JAM2: variants seen among roughly 807,000 people sequenced by gnomAD.
The protein encoded by JAM2 is junctional adhesion molecule B.
In JAM2, 17 loss-of-function variants were observed where a neutral mutation model predicts 42.0. The ratio of observed to expected loss-of-function variants is 0.40; its 90% CI spans 0.28 to 0.61. The LOEUF (loss-of-function observed/expected upper bound fraction) is 0.61. Ranked by LOEUF, JAM2 falls within the 20% of genes least tolerant of loss-of-function variation. The pLI is 0.37. For missense variants in JAM2, 319 were observed against 358.3 expected (o/e 0.89, Z 0.89); for synonymous variants, 118 against 128.6 (o/e 0.92, Z 0.56).
intron 2 of JAM2, among the ~76,000 whole-genome samples, chr21:25,685,524 C>CAA (rs776114627): frequency 0.076 from 3,786 of 49,622 alleles, 242 homozygotes; most frequent in African/African-American, 0.17. Flanking sequence ...GAGAATGTCT[C>CAA]AAAAAAAAAA....
chr21:25,702,244 G>A lies in JAM2; in HGVS notation c.672G>A (p.Arg224=). The A allele has an allele frequency of 6.3e-7, 1 of 1,597,054 alleles. No individual in the cohort carries two copies. Among genetic ancestry groups the A allele is most frequent in the Non-Finnish European group, 8.6e-7 (1 of 1,167,034 alleles). ...CEARNSVGYR[R]CPGKRMQVDD... ...CCCGCAATTCTGTTGGATATCGCAGGTGTCCTGGGAAACGAATGCAAGTAG... is the reference window on the plus strand; with the variant it reads ...CCCGCAATTCTGTTGGATATCGCAGATGTCCTGGGAAACGAATGCAAGTAG... Residue 224 remains arginine (R), a synonymous_variant, in exon 6 of 10, where the codon AGG becomes AGA. Coordinates refer to ENST00000480456, the MANE Select transcript of JAM2 (RefSeq NM_021219.4).
At position 25,714,881 on chromosome 21, in the gene JAM2, G is replaced by A. The variant is rs2034451531; in HGVS notation, c.*209G>A. 2.3e-6 allele frequency: 1 copy of A among 429,962 alleles called. No homozygotes were observed. The highest frequency in any genetic ancestry group is 4.4e-5 in the Admixed American group (1 of 22,974). The allele number at this position is 429,962 out of a possible 1,614,324, so 26.6% of individuals were successfully genotyped here. A position where few individuals can be genotyped will look rare whatever the true frequency, so the allele number is the denominator to read the frequency against. ...CACCTAAAATATAATCTGGCTTCTT[G>A]TGTCTGGACTAAGTTAAAAGAATTA... On this transcript the variant is annotated 3_prime_UTR_variant, in exon 10 of 10. Transcript: ENST00000480456.
At chr21:25,646,935 G>A (rs1017417285) in intron 1 of JAM2, among the ~76,000 whole-genome samples, 1 of 152,122 alleles carries the variant, frequency 6.6e-6, no homozygotes, top group African/African-American at 2.4e-5. Flanking sequence ...TTTCTGTTTT[G>A]TTGTAGTTGT....
In JAM2 at chr21:25,648,852, A is replaced by C. The variant is rs141623031; in HGVS notation, c.67+8964A>C. Among the ~76,000 whole-genome samples the C allele has an allele frequency of 6.0e-3, 920 of 152,368 alleles. 16 individuals carry two copies. The highest frequency in any genetic ancestry group is 0.021 in the African/African-American group (886 of 41,580). ...TGGCACATTTAATACTTGATTAAGT[A>C]GAATTACATAAGCTGGAATTTAATG... On this transcript the variant is annotated intron_variant, in intron 1 of 9. Transcript: ENST00000480456.
chr21:25,645,552 G>C (rs1336387918), intron 1 of JAM2, among the ~76,000 whole-genome samples: 1 of 152,148 alleles, frequency 6.6e-6, no homozygotes, highest in Non-Finnish European at 1.5e-5. Flanking sequence ...AGTAGTCCAG[G>C]CAATTGCTTG....
intron 1 of JAM2, among the ~76,000 whole-genome samples, chr21:25,672,057 A>T (rs2033374694): frequency 6.6e-6 from 1 of 152,126 alleles, no homozygotes; most frequent in African/African-American, 2.4e-5. Flanking sequence ...AGTTTAGTAG[A>T]TGGTAGTGAT....
chr21:25,644,853 G>C (rs1404526802), intron 1 of JAM2, among the ~76,000 whole-genome samples: 1 of 125,032 alleles, frequency 8.0e-6, no homozygotes, highest in African/African-American at 3.1e-5. Flanking sequence ...TATAAAGCTG[G>C]TTGGTTTTTT....
intron 2 of JAM2, 41 bp from the exon 3 acceptor site, chr21:25,689,824 TG>T (rs1268711753): frequency 1.6e-6 from 2 of 1,261,942 alleles, no homozygotes; most frequent in Non-Finnish European, 2.3e-6. Context: ...TATAAATTCA[TG>T]GGGACAATTA....
At chr21:25,659,689 G>T (rs1049553737) in intron 1 of JAM2, among the ~76,000 whole-genome samples, 1 of 152,118 alleles carries the variant, frequency 6.6e-6, no homozygotes, top group African/African-American at 2.4e-5. Context: ...CCTTTTCAAA[G>T]ATTTTTATTA....
chr21:25,716,805 C>T lies in JAM2; in HGVS notation c.*2133C>T, dbSNP rs886204595. ...CTGTCTACAAGCTTTTGTAAGAAAT[C>T]AGGCTAAATGTTACCTATGTTTTGG... On this transcript the variant is annotated 3_prime_UTR_variant, in exon 10 of 10. Transcript: ENST00000480456. 1 of 152,208 alleles carries T rather than the reference C, an allele frequency of 6.6e-6. No homozygotes were observed. Among genetic ancestry groups the T allele is most frequent in the African/African-American group, 2.4e-5 (1 of 41,454 alleles). 9.4% of individuals were successfully genotyped at this position (152,208 alleles called of 1,614,324 possible). A position where few individuals can be genotyped will look rare whatever the true frequency, so the allele number is the denominator to read the frequency against.
chr21:25,682,344 T>C (rs2033653543), intron 1 of JAM2, among the ~76,000 whole-genome samples: 1 of 152,278 alleles, frequency 6.6e-6, no homozygotes, highest in South Asian at 2.1e-4. Context: ...TACTTTCTGA[T>C]ACTTTCTTCT....
chr21:25,714,653 C>A lies in JAM2; in HGVS notation c.878C>A (p.Thr293Lys). Residue 293 changes from threonine to lysine, a missense_variant, in exon 10 of 10, where the codon ACA becomes AAA. By Grantham distance (78) the Thr-to-Lys change is moderately conservative (BLOSUM62 -1). Transcript: ENST00000480456. ...TTMSENDFKH[T>K]KSFII Reference sequence around the variant, plus strand: ...TTCTTTTCCTAGGATTTCAAGCACACAAAATCCTTTATAATTTAAAGACTC... The same window carrying A: ...TTCTTTTCCTAGGATTTCAAGCACAAAAAATCCTTTATAATTTAAAGACTC... 2 of 1,510,868 alleles carry A rather than the reference C, an allele frequency of 1.3e-6. No homozygotes were observed. Among genetic ancestry groups the A allele is most frequent in the African/African-American group, 2.9e-5 (2 of 69,402 alleles). The allele number at this position is 1,510,868 out of a possible 1,614,324, so 93.6% of individuals were successfully genotyped here.
At position 25,683,244 on chromosome 21, in the gene JAM2, G is replaced by A. The variant is rs532993080; in HGVS notation, c.68-639G>A. On this transcript the variant is annotated intron_variant, in intron 1 of 9. Coordinates refer to ENST00000480456, the MANE Select transcript of JAM2 (RefSeq NM_021219.4). ...GGGAGTGATAATAAGCAACAGCAGC[G>A]TCATGTAACTATTAGATCACAGTAG... Among the ~76,000 whole-genome samples, 209 of 152,188 alleles carry A rather than the reference G, an allele frequency of 1.4e-3. 1 individual carries two copies. The highest frequency in any genetic ancestry group is 4.7e-3 in the African/African-American group (195 of 41,508).
At chr21:25,687,283 A>G (rs769583368) in intron 2 of JAM2, among the ~76,000 whole-genome samples, 1 of 152,216 alleles carries the variant, frequency 6.6e-6, no homozygotes, top group Admixed American at 6.5e-5. Context: ...CTTAGTGACA[A>G]CTTTGTAAGA....
intron 1 of JAM2, among the ~76,000 whole-genome samples, chr21:25,659,301 A>G (rs1224626311): frequency 6.6e-6 from 1 of 151,490 alleles, no homozygotes; most frequent in Non-Finnish European, 1.5e-5. Context: ...TAACATTAAT[A>G]TTGTCTTAAG....
In JAM2 at chr21:25,698,601, G is replaced by A. The variant is rs2034090885; in HGVS notation, c.395-76G>A. 4.7e-6 allele frequency: 6 copies of A among 1,278,906 alleles called. No homozygotes were observed. In the Admixed American group the frequency reaches 1.0e-4, roughly 22 times the overall value. The allele number at this position is 1,278,906 out of a possible 1,614,324, so 79.2% of individuals were successfully genotyped here. Reference sequence around the variant, plus strand: ...TAAAACCATTGATTGTAGAGACAAAGTCAACAGCTTTGAAGAAAATAAACA... The same window carrying A: ...TAAAACCATTGATTGTAGAGACAAAATCAACAGCTTTGAAGAAAATAAACA... On this transcript the variant is annotated intron_variant, in intron 4 of 9. Coordinates refer to ENST00000480456, the MANE Select transcript of JAM2 (RefSeq NM_021219.4).
At chr21:25,694,226 T>C (rs532374331) in intron 4 of JAM2, among the ~76,000 whole-genome samples, 2 of 152,346 alleles carry the variant, frequency 1.3e-5, no homozygotes, top group African/African-American at 4.8e-5. Flanking sequence ...TTTCAGCATA[T>C]ACACAGTTTC....
chr21:25,705,287 G>A (rs926521371), intron 6 of JAM2, among the ~76,000 whole-genome samples: 1 of 152,124 alleles, frequency 6.6e-6, no homozygotes, highest in African/African-American at 2.4e-5. Context: ...CTGGAGAGAA[G>A]TAGTGCAATC....
intron 1 of JAM2, among the ~76,000 whole-genome samples, chr21:25,678,114 T>C (rs2033542508): frequency 6.6e-6 from 1 of 152,104 alleles, no homozygotes; most frequent in Non-Finnish European, 1.5e-5. Context: ...TAATCCCAGC[T>C]ACTCAGGAGG....
Sources: gnomAD v4.1 joint callset for allele counts (sites outside exome capture counted in the v4.1 genomes callset) on GRCh38, gnomAD v4.1.1 for gene constraint, MANE v1.5 for transcripts, NCBI Gene and HGNC (gene_info 2026-07-23, HGNC 2026-07-21) for gene names.